The following RCAN2 variants were observed in gnomAD, a reference collection of about 807,000 sequenced individuals.
RCAN2 encodes the protein calcipressin-2.
In RCAN2, 9 loss-of-function variants were observed where a neutral mutation model predicts 23.6. The ratio of observed to expected loss-of-function variants is 0.38; its 90% CI spans 0.23 to 0.67. The LOEUF is 0.67. Among genes scored for constraint, RCAN2 ranks in the 30% least tolerant of loss-of-function variants. The pLI is 0.51. For missense variants in RCAN2, 273 were observed against 302.3 expected (o/e 0.90, Z 0.72); for synonymous variants, 109 against 115.7 (o/e 0.94, Z 0.37).
chr6:46,429,800 G>T (rs1767135456), intron 2 of RCAN2, among the ~76,000 whole-genome samples: 1 of 152,168 alleles, frequency 6.6e-6, no homozygotes, highest in Non-Finnish European at 1.5e-5. Context: ...AAGAAGCACA[G>T]CACTCTAAAA....
At chr6:46,355,717 C>T (rs555076191) in intron 2 of RCAN2, among the ~76,000 whole-genome samples, 1 of 152,264 alleles carries the variant, frequency 6.6e-6, no homozygotes, top group African/African-American at 2.4e-5. Flanking sequence ...AAGAAACTAG[C>T]CAGTTTCAAG....
In RCAN2 at chr6:46,411,050, C is replaced by A. The variant is rs369455869; in HGVS notation, c.225+45702G>T. ...AAAAGTGCTCACTTATTTCAAATATCAAATAGTGAGAGAAGAACTTACAGT... is the reference window on the plus strand; with the variant it reads ...AAAAGTGCTCACTTATTTCAAATATAAAATAGTGAGAGAAGAACTTACAGT... On this transcript the variant is annotated intron_variant, in intron 2 of 4. Coordinates refer to ENST00000371374, the MANE Select transcript of RCAN2 (RefSeq NM_001251974.2). 7.9e-4 allele frequency among the ~76,000 whole-genome samples: 120 copies of A among 152,230 alleles called. 1 individual carries two copies. Among genetic ancestry groups the A allele is most frequent in the African/African-American group, 2.8e-3 (115 of 41,534 alleles).
chr6:46,286,741 G>A (rs908356137), intron 2 of RCAN2, among the ~76,000 whole-genome samples: 8 of 152,114 alleles, frequency 5.3e-5, no homozygotes, highest in Admixed American at 1.3e-4. Flanking sequence ...GGTGGCTCAC[G>A]CCTGTAATCC....
At chr6:46,327,407 G>C (rs1763828163) in intron 2 of RCAN2, among the ~76,000 whole-genome samples, 1 of 152,182 alleles carries the variant, frequency 6.6e-6, no homozygotes. Flanking sequence ...AATGTCCAAA[G>C]GAAAGAATAA....
chr6:46,428,440 T>A (rs1305178779), intron 2 of RCAN2, among the ~76,000 whole-genome samples: 2 of 152,184 alleles, frequency 1.3e-5, no homozygotes, highest in Non-Finnish European at 2.9e-5. Flanking sequence ...AATGGTATAG[T>A]TTATGCATTA....
intron 2 of RCAN2, among the ~76,000 whole-genome samples, chr6:46,341,901 A>G (rs1764331818): frequency 6.6e-6 from 1 of 152,112 alleles, no homozygotes; most frequent in Non-Finnish European, 1.5e-5. Context: ...AGGACAGAGG[A>G]AGGTAAGGAA....
intron 2 of RCAN2, among the ~76,000 whole-genome samples, chr6:46,336,379 G>C (rs1764144158): frequency 6.6e-6 from 1 of 152,210 alleles, no homozygotes; most frequent in African/African-American, 2.4e-5. Context: ...CTAAGGGGAA[G>C]ATGGTGCCAA....
intron 1 of RCAN2, among the ~76,000 whole-genome samples, chr6:46,458,530 C>T (rs1006737458): frequency 6.6e-6 from 1 of 152,060 alleles, no homozygotes; most frequent in African/African-American, 2.4e-5. Flanking sequence ...AATTCTTGCA[C>T]TCCAAAGTTC....
At chr6:46,239,583 A>G (rs1173552190) in intron 4 of RCAN2, among the ~76,000 whole-genome samples, 1 of 152,150 alleles carries the variant, frequency 6.6e-6, no homozygotes, top group Non-Finnish European at 1.5e-5. Flanking sequence ...GAAAATATTG[A>G]TGAAATAATT....
intron 2 of RCAN2, among the ~76,000 whole-genome samples, chr6:46,330,090 T>C (rs1169488936): frequency 6.6e-6 from 1 of 152,220 alleles, no homozygotes; most frequent in Non-Finnish European, 1.5e-5. Flanking sequence ...TTCAAATATA[T>C]TCAGCAGAAG....
intron 2 of RCAN2, among the ~76,000 whole-genome samples, chr6:46,250,483 G>C (rs975580764): frequency 1.1e-4 from 17 of 152,140 alleles, no homozygotes; most frequent in Middle Eastern, 3.2e-3. Flanking sequence ...TATTAATACT[G>C]CAAGATTCAT....
chr6:46,335,952 AGAT>A (rs1400865864), intron 2 of RCAN2, among the ~76,000 whole-genome samples: 9 of 152,208 alleles, frequency 5.9e-5, no homozygotes, highest in Admixed American at 5.2e-4. Flanking sequence ...CCCCATTTAG[AGAT>A]GATGTAATTT....
chr6:46,317,696 A>T (rs1763483892), intron 2 of RCAN2, among the ~76,000 whole-genome samples: 1 of 151,986 alleles, frequency 6.6e-6, no homozygotes, highest in African/African-American at 2.4e-5. Context: ...CGATCTCCTG[A>T]CCTTCTGATC....
intron 2 of RCAN2, among the ~76,000 whole-genome samples, chr6:46,391,135 C>G (rs1406723952): frequency 2.0e-5 from 3 of 152,192 alleles, no homozygotes; most frequent in Non-Finnish European, 4.4e-5. Flanking sequence ...TACAATTGCC[C>G]TGTGCCTCAG....
intron 2 of RCAN2, among the ~76,000 whole-genome samples, chr6:46,419,793 G>T (rs897913448): frequency 7.9e-5 from 12 of 152,222 alleles, no homozygotes; most frequent in African/African-American, 2.4e-4. Flanking sequence ...AACCATTTTG[G>T]CTGAGAAAGA....
At chr6:46,415,711 A>G (rs1428291045) in intron 2 of RCAN2, among the ~76,000 whole-genome samples, 1 of 152,188 alleles carries the variant, frequency 6.6e-6, no homozygotes, top group Non-Finnish European at 1.5e-5. Flanking sequence ...AAAAAAAATT[A>G]ATAAATAAAC....
At chr6:46,298,560 G>T (rs1319190136) in intron 2 of RCAN2, among the ~76,000 whole-genome samples, 1 of 152,080 alleles carries the variant, frequency 6.6e-6, no homozygotes, top group Non-Finnish European at 1.5e-5. Flanking sequence ...TTATGGACCT[G>T]AAGATTCTCC....
intron 2 of RCAN2, among the ~76,000 whole-genome samples, chr6:46,370,344 C>T (rs970173519): frequency 1.3e-5 from 2 of 152,138 alleles, no homozygotes; most frequent in Non-Finnish European, 2.9e-5. Context: ...GGTTATTCTC[C>T]GCTTGCATCC....
intron 2 of RCAN2, among the ~76,000 whole-genome samples, chr6:46,349,624 A>C (rs1027071840): frequency 7.9e-5 from 12 of 151,764 alleles, no homozygotes; most frequent in Non-Finnish European, 1.5e-5. Flanking sequence ...GAACTGTTCT[A>C]CTCCGGAGTC....
Sources: gnomAD v4.1 joint callset for allele counts (sites outside exome capture counted in the v4.1 genomes callset) on GRCh38, gnomAD v4.1.1 for gene constraint, MANE v1.5 for transcripts, NCBI Gene and HGNC (gene_info 2026-07-23, HGNC 2026-07-21) for gene names.